Variants in RAI14 observed in about 807,000 individuals in gnomAD.
RAI14 encodes the protein retinoic acid induced 14.
A neutral mutation model predicts 115.4 loss-of-function variants in RAI14; 45 were observed. The ratio of observed to expected loss-of-function variants is 0.39; its 90% confidence interval spans 0.31 to 0.50. The LOEUF (loss-of-function observed/expected upper bound fraction) is 0.50. Ranked by LOEUF, RAI14 falls within the 20% of genes least tolerant of loss-of-function variation. RAI14 has a pLI of 0.85. For missense variants in RAI14, 939 were observed against 1,131.2 expected, an observed-to-expected ratio of 0.83 and a Z score of 2.44; for synonymous variants, 371 against 415.4, an observed-to-expected ratio of 0.89 and a Z score of 1.30.
At chr5:34,760,510 C>G (rs1748496708) in intron 3 of RAI14, among the ~76,000 whole-genome samples, 1 of 152,112 alleles carries the variant, frequency 6.6e-6, no homozygotes, top group South Asian at 2.1e-4. Context: ...TCCCTGTTCT[C>G]CCTAGTCCAG....
intron 1 of RAI14, among the ~76,000 whole-genome samples, chr5:34,665,757 A>G (rs920294346): frequency 1.3e-5 from 2 of 152,070 alleles, no homozygotes; most frequent in African/African-American, 4.8e-5. Flanking sequence ...ACCCACAATG[A>G]CCACCTCTCA....
chr5:34,663,836 C>CT, intron 1 of RAI14, among the ~76,000 whole-genome samples: 1 of 152,326 alleles, frequency 6.6e-6, no homozygotes, highest in East Asian at 1.9e-4. Context: ...GAAAGAAACA[C>CT]TTTTCCTCCT....
At chr5:34,739,743 A>T (rs1478908362) in intron 2 of RAI14, among the ~76,000 whole-genome samples, 1 of 152,134 alleles carries the variant, frequency 6.6e-6, no homozygotes, top group Non-Finnish European at 1.5e-5. Flanking sequence ...CCCTTGTGCC[A>T]GATGCCTGGG....
intron 2 of RAI14, among the ~76,000 whole-genome samples, chr5:34,748,152 A>G (rs936230275): frequency 3.4e-4 from 52 of 152,188 alleles, no homozygotes; most frequent in African/African-American, 1.3e-3. Flanking sequence ...CTCGGCAGTT[A>G]TGTAGAAAAG....
At position 34,757,746 on chromosome 5, in the gene RAI14, T is replaced by G; in HGVS notation, c.167+148T>G. The G allele has an allele frequency of 4.6e-6, 5 of 1,076,056 alleles. No homozygotes were observed. In the South Asian group the frequency reaches 8.5e-5, roughly 18 times the overall value. 66.7% of individuals were successfully genotyped at this position (1,076,056 alleles called of 1,614,324 possible). Reference sequence around the variant, plus strand: ...TAAGAAGATATTTTAATCTAGTGCCTTTCTCTCCAAATTCCAAGTCACATA... The same window carrying G: ...TAAGAAGATATTTTAATCTAGTGCCGTTCTCTCCAAATTCCAAGTCACATA... On this transcript the variant is annotated intron_variant, in intron 3 of 17. Coordinates refer to ENST00000265109, the MANE Select transcript of RAI14 (RefSeq NM_015577.3).
At chr5:34,742,566 AC>A (rs1295902373) in intron 2 of RAI14, among the ~76,000 whole-genome samples, 1 of 152,168 alleles carries the variant, frequency 6.6e-6, no homozygotes, top group African/African-American at 2.4e-5. Flanking sequence ...AATGTGAAAA[AC>A]ATAGAGAGGT....
chr5:34,748,818 T>TA (rs56983390), intron 2 of RAI14, among the ~76,000 whole-genome samples: 65,436 of 127,740 alleles, frequency 0.51, 14,915 homozygotes, highest in African/African-American at 0.64. Context: ...AAATAAAAAT[T>TA]AAAAAAAAAA....
chr5:34,756,959 C>T (rs1747968351), intron 2 of RAI14, among the ~76,000 whole-genome samples: 1 of 152,130 alleles, frequency 6.6e-6, no homozygotes, highest in South Asian at 2.1e-4. Context: ...AAATCAGTAT[C>T]CAGCTCAAAA....
At chr5:34,713,868 C>T (rs112814564) in intron 2 of RAI14, among the ~76,000 whole-genome samples, 12,143 of 152,194 alleles carry the variant, frequency 0.08, 748 homozygotes, top group African/African-American at 0.17. Context: ...TGCAATGGCA[C>T]AATCTTGGCT....
At chr5:34,667,612 C>T (rs1743317600) in intron 1 of RAI14, among the ~76,000 whole-genome samples, 1 of 151,998 alleles carries the variant, frequency 6.6e-6, no homozygotes, top group African/African-American at 2.4e-5. Flanking sequence ...AAATTATAGC[C>T]AATAACGGTA....
At chr5:34,719,572 G>A (rs1742414528) in intron 2 of RAI14, among the ~76,000 whole-genome samples, 1 of 152,222 alleles carries the variant, frequency 6.6e-6, no homozygotes, top group African/African-American at 2.4e-5. Context: ...CTCCTTGAAT[G>A]TCCTTGCACT....
At chr5:34,700,101 C>T (rs1306822345) in intron 2 of RAI14, among the ~76,000 whole-genome samples, 1 of 152,098 alleles carries the variant, frequency 6.6e-6, no homozygotes, top group African/African-American at 2.4e-5. Flanking sequence ...ACTGAGACTT[C>T]AGGTAGGTAT....
chr5:34,671,146 C>A lies in RAI14; in HGVS notation c.-49+14671C>A, dbSNP rs374769927. Among the ~76,000 whole-genome samples the A allele has an allele frequency of 1.6e-4, 24 of 152,202 alleles. No individual in the cohort carries two copies. In the East Asian group the frequency reaches 4.1e-3, roughly 26 times the overall value. Reference sequence around the variant, plus strand: ...AGAACAATAAGGAGGATAAACGTAGCCCCATGGGTGCACCTTGTCAGCCCT... The same window carrying A: ...AGAACAATAAGGAGGATAAACGTAGACCCATGGGTGCACCTTGTCAGCCCT... On this transcript the variant is annotated intron_variant, in intron 1 of 17. Transcript: ENST00000265109.
At position 34,791,406 on chromosome 5, in the gene RAI14, T is replaced by C. The variant is rs1398452405; in HGVS notation, c.168-4533T>C. On this transcript the variant is annotated intron_variant, in intron 3 of 17. Coordinates refer to ENST00000265109, the MANE Select transcript of RAI14 (RefSeq NM_015577.3). This position sits in a 1 kb window ranked among gnomAD's most constrained non-coding sequence, Gnocchi z 5.4. ...TTGAAGTCACTTATTATATGCCATA[T>C]AATTAAAAAGTTATATGGTATATTC... Among the ~76,000 whole-genome samples, 1 of 152,114 alleles carries C rather than the reference T, an allele frequency of 6.6e-6. No individual in the cohort carries two copies. The highest frequency in any genetic ancestry group is 1.5e-5 in the Non-Finnish European group (1 of 68,036).
At chr5:34,782,750 T>G (rs1751822025) in intron 3 of RAI14, among the ~76,000 whole-genome samples, 1 of 152,208 alleles carries the variant, frequency 6.6e-6, no homozygotes, top group Non-Finnish European at 1.5e-5. Context: ...ATATTCCTTA[T>G]CATTTCTACC....
In RAI14 at chr5:34,720,624, G is replaced by A. The variant is rs187789810; in HGVS notation, c.36+33669G>A. Among the ~76,000 whole-genome samples the A allele has an allele frequency of 4.0e-3, 610 of 151,780 alleles. 5 individuals carry two copies. The highest frequency in any genetic ancestry group is 0.012 in the African/African-American group (492 of 41,406). ...ATGGGGTTTCACCGTGTTAGCCAGG[G>A]TGGTCTCGATCTCCTGACTTTGTGA... On this transcript the variant is annotated intron_variant, in intron 2 of 17. Coordinates refer to ENST00000265109, the MANE Select transcript of RAI14 (RefSeq NM_015577.3).
At chr5:34,725,735 G>A (rs1743363102) in intron 2 of RAI14, among the ~76,000 whole-genome samples, 1 of 151,974 alleles carries the variant, frequency 6.6e-6, no homozygotes, top group Non-Finnish European at 1.5e-5. Context: ...GGAGGCTGAG[G>A]TGGGTGGATC....
intron 3 of RAI14, among the ~76,000 whole-genome samples, chr5:34,779,062 G>C (rs1438514750): frequency 6.6e-6 from 1 of 151,798 alleles, no homozygotes; most frequent in African/African-American, 2.4e-5. Flanking sequence ...TGCAAGGCTG[G>C]TTCAACATAC....
chr5:34,657,609 G>A (rs1267751767), intron 1 of RAI14, among the ~76,000 whole-genome samples: 2 of 152,224 alleles, frequency 1.3e-5, no homozygotes, highest in Non-Finnish European at 2.9e-5. Context: ...CGCAGCTCAC[G>A]CATGATCGGG....
Sources: gnomAD v4.1 joint callset for allele counts (sites outside exome capture counted in the v4.1 genomes callset) on GRCh38, gnomAD v4.1.1 for gene constraint, Gnocchi (gnomAD v3.1) non-coding constraint, MANE v1.5 for transcripts, NCBI Gene and HGNC (gene_info 2026-07-23, HGNC 2026-07-21) for gene names.